Variants in PCDH17 observed in about 807,000 individuals in gnomAD.
PCDH17 encodes the protein protocadherin-17.
In PCDH17, 21 loss-of-function variants were observed where a neutral mutation model predicts 67.7. That is an observed-to-expected ratio of 0.31 (90% confidence interval 0.22 to 0.45). The LOEUF (loss-of-function observed/expected upper bound fraction) is 0.45. PCDH17 is among the 20% of genes least tolerant of loss of function. The pLI, the probability that PCDH17 is intolerant of heterozygous loss-of-function variation, is 1.00. For missense variants in PCDH17, 1,471 were observed against 1,564.8 expected, an observed-to-expected ratio of 0.94 and a Z score of 1.01; for synonymous variants, 701 against 656.7, an observed-to-expected ratio of 1.07 and a Z score of -1.03.
intron 3 of PCDH17, among the ~76,000 whole-genome samples, chr13:57,692,426 T>C (rs1441648502): frequency 3.3e-5 from 5 of 151,332 alleles, no homozygotes; most frequent in African/African-American, 1.2e-4. Flanking sequence ...ATTTAGAGCT[T>C]GTATTCACAA....
chr13:57,630,562 TA>T (rs890164003), upstream of PCDH17, among the ~76,000 whole-genome samples: 9 of 151,904 alleles, frequency 5.9e-5, no homozygotes, highest in South Asian at 6.3e-4. Flanking sequence ...AGGAAAGGTT[TA>T]AAAAAAATAA....
Position 57,697,900 on chromosome 13 carries a change from A to G in PCDH17, c.2798-26712A>G, listed in dbSNP as rs1452644073. Among the ~76,000 whole-genome samples the G allele has an allele frequency of 2.0e-5, 3 of 151,760 alleles. No individual in the cohort carries two copies. The East Asian group carries it at 5.8e-4, about 29-fold the overall frequency. On this transcript the variant is annotated intron_variant, in intron 3 of 3. Transcript: ENST00000377918. ...TAAATTATATTTATTATGTGAAATT[A>G]AATAGATCATAATTCTACTTTGGGT...
At chr13:57,711,329 G>A (rs1424355814) in intron 3 of PCDH17, among the ~76,000 whole-genome samples, 1 of 151,860 alleles carries the variant, frequency 6.6e-6, no homozygotes, top group Non-Finnish European at 1.5e-5. Context: ...CAGAGCTAGT[G>A]TTGTGATTGA....
intron 3 of PCDH17, among the ~76,000 whole-genome samples, chr13:57,720,424 G>A (rs1955863096): frequency 6.6e-6 from 1 of 151,686 alleles, no homozygotes; most frequent in African/African-American, 2.4e-5. Flanking sequence ...ATACATATGT[G>A]TACATTAATA....
upstream of PCDH17, among the ~76,000 whole-genome samples, chr13:57,630,369 C>T (rs983817740): frequency 6.6e-5 from 10 of 150,448 alleles, no homozygotes; most frequent in East Asian, 7.8e-4. Context: ...AAAAAAAAAC[C>T]TCCACAACAG....
At chr13:57,668,629 C>G (rs1306509602) in intron 3 of PCDH17, among the ~76,000 whole-genome samples, 1 of 151,884 alleles carries the variant, frequency 6.6e-6, no homozygotes, top group Non-Finnish European at 1.5e-5. Context: ...AAATTGAAGT[C>G]TAGGGAAGGT....
intron 3 of PCDH17, among the ~76,000 whole-genome samples, chr13:57,680,499 C>T (rs965327299): frequency 5.3e-5 from 8 of 151,406 alleles, no homozygotes; most frequent in East Asian, 1.9e-4. Context: ...GCCATACTAA[C>T]GAGTTTAAAT....
intron 1 of PCDH17, 42 bp downstream of exon 1, chr13:57,635,153 G>A: frequency 6.2e-7 from 1 of 1,602,030 alleles, no homozygotes; most frequent in Non-Finnish European, 8.5e-7. Flanking sequence ...CTTTATTGCT[G>A]GTTTTGGAGC....
At chr13:57,660,986 T>G (rs1955175300) in intron 1 of PCDH17, among the ~76,000 whole-genome samples, 1 of 152,170 alleles carries the variant, frequency 6.6e-6, no homozygotes. Context: ...CAGAATTTTG[T>G]GTGAACATAC....
chr13:57,654,875 T>C (rs1048678796), intron 1 of PCDH17, among the ~76,000 whole-genome samples: 7 of 152,042 alleles, frequency 4.6e-5, no homozygotes, highest in Non-Finnish European at 8.8e-5. Context: ...ATTATTTTTT[T>C]CCTCAAATTT....
chr13:57,649,951 G>A (rs1331552893), intron 1 of PCDH17, among the ~76,000 whole-genome samples: 1 of 152,114 alleles, frequency 6.6e-6, no homozygotes, highest in African/African-American at 2.4e-5. Context: ...CAAGCTGTAT[G>A]TGACAACCTG....
chr13:57,693,380 G>C (rs1027539845), intron 3 of PCDH17, among the ~76,000 whole-genome samples: 61 of 128,030 alleles, frequency 4.8e-4, no homozygotes, highest in Non-Finnish European at 8.5e-4. Flanking sequence ...TTCTCTAAAA[G>C]AATGCTTAGA....
At chr13:57,712,315 C>G (rs1030280202) in intron 3 of PCDH17, among the ~76,000 whole-genome samples, 1 of 151,630 alleles carries the variant, frequency 6.6e-6, no homozygotes, top group African/African-American at 2.4e-5. Flanking sequence ...CTCCTTTCAG[C>G]AGAGACGTTG....
rs199911680 is a variant in PCDH17, at chr13:57,724,950, C to G, written c.3136C>G (p.Pro1046Ala). ...SSSPTKACIE[P>A]CTSTKGSLDG... ...CAGCCCAACCAAGGCGTGCATCGAG[C>G]CTTGCACCTCAACAAAAGGCTCCCT... The change falls in exon 4 of 4, where the codon CCT becomes GCT. Residue 1046 changes from proline (P) to alanine (A), a missense_variant. Pro to Ala is a conservative substitution (Grantham distance 27). Coordinates refer to ENST00000377918, the MANE Select transcript of PCDH17 (RefSeq NM_001040429.3). 27 of 1,614,176 alleles carry G rather than the reference C, an allele frequency of 1.7e-5. No homozygotes were observed. The highest frequency in any genetic ancestry group is 2.2e-5 in the East Asian group (1 of 44,868).
chr13:57,673,458 G>A (rs1955349539), intron 3 of PCDH17, among the ~76,000 whole-genome samples: 1 of 151,910 alleles, frequency 6.6e-6, no homozygotes, highest in Non-Finnish European at 1.5e-5. Context: ...GAGGCCTGCT[G>A]TTCAGCTGTT....
intron 3 of PCDH17, among the ~76,000 whole-genome samples, chr13:57,722,751 A>T (rs981727069): frequency 1.3e-5 from 2 of 152,054 alleles, no homozygotes; most frequent in Non-Finnish European, 2.9e-5. Context: ...GCGTAGCTGC[A>T]TGCACCACCT....
At chr13:57,678,213 T>C (rs952979806) in intron 3 of PCDH17, among the ~76,000 whole-genome samples, 3 of 151,554 alleles carry the variant, frequency 2.0e-5, no homozygotes, top group African/African-American at 7.3e-5. Flanking sequence ...AAGAGGGATA[T>C]GCCAAGGAAT....
chr13:57,664,325 A>G (rs190216420), intron 1 of PCDH17, among the ~76,000 whole-genome samples: 1 of 152,326 alleles, frequency 6.6e-6, no homozygotes, highest in East Asian at 1.9e-4. Flanking sequence ...AGAGTTCATC[A>G]AATGCTCATG....
chr13:57,700,471 A>G (rs1436895138), intron 3 of PCDH17, among the ~76,000 whole-genome samples: 4 of 151,954 alleles, frequency 2.6e-5, no homozygotes, highest in Non-Finnish European at 5.9e-5. Context: ...GGCGCGTGCC[A>G]CCATGCCCAG....
Sources: gnomAD v4.1 joint callset for allele counts (sites outside exome capture counted in the v4.1 genomes callset) on GRCh38, gnomAD v4.1.1 for gene constraint, MANE v1.5 for transcripts, NCBI Gene and HGNC (gene_info 2026-07-23, HGNC 2026-07-21) for gene names.